Variants in GRIN3A observed in about 807,000 individuals in gnomAD.
GRIN3A encodes glutamate receptor ionotropic, NMDA 3A.
Under a neutral mutation model 92.4 loss-of-function variants are expected in GRIN3A, and 47 were observed. The ratio of observed to expected loss-of-function variants is 0.51; its 90% CI spans 0.40 to 0.65. The LOEUF is 0.65. GRIN3A is among the 30% of genes least tolerant of loss of function. GRIN3A has a pLI of 0.00. For synonymous variants in GRIN3A, 527 were observed against 540.6 expected (o/e 0.97, Z 0.35); for missense variants, 1,324 against 1,393.1 (o/e 0.95, Z 0.79).
chr9:101,587,235 G>A (rs1053462558), intron 6 of GRIN3A, among the ~76,000 whole-genome samples: 4 of 151,752 alleles, frequency 2.6e-5, no homozygotes, highest in Non-Finnish European at 2.9e-5. Flanking sequence ...GCTTGAATCC[G>A]GGAGGCAGAG....
intron 1 of GRIN3A, among the ~76,000 whole-genome samples, chr9:101,732,851 C>T (rs1012281884): frequency 6.6e-6 from 1 of 152,140 alleles, no homozygotes; most frequent in African/African-American, 2.4e-5. Context: ...TTCTTTTGAT[C>T]TACACTTCTG....
chr9:101,686,507 C>A, intron 2 of GRIN3A, 89 bp downstream of exon 2: 1 of 1,436,652 alleles, frequency 7.0e-7, no homozygotes. Flanking sequence ...TACTCAGAGT[C>A]AAGATTTCTG....
At chr9:101,593,640 C>T (rs1056267625) in intron 6 of GRIN3A, 8 of 152,284 alleles carry the variant, frequency 5.3e-5, no homozygotes, top group Non-Finnish European at 8.8e-5. Flanking sequence ...AGCTGGAGGT[C>T]CCCTTCATTG....
rs762717849 is a variant in GRIN3A, at chr9:101,573,371, T to G, written c.3151A>C (p.Arg1051=). The G allele has an allele frequency of 1.9e-6, 3 of 1,614,014 alleles. No homozygotes were observed. The change falls in exon 9 of 9, where the codon AGG becomes CGG. Residue 1051 remains arginine, a synonymous_variant. Transcript: ENST00000361820. ...RIHQDIPLPP[R]RRELPALRTT... ...CGCAAGGCAGGGAGCTCTCTTCTCC[T>G]TGGAGGGAGGGGGATGTCCTGGTGG...
At position 101,675,078 on chromosome 9, in the gene GRIN3A, T is replaced by C. The variant is rs370894540; in HGVS notation, c.1305-3971A>G. On this transcript the variant is annotated intron_variant, in intron 2 of 8. Transcript: ENST00000361820. The stretch of plus-strand genomic sequence containing the variant: ...ATGGTGACTAAGAGACCACTTACAA[T>C]ATCTTTGTCATGGTTTGATAAGGGC... Among the ~76,000 whole-genome samples the C allele has an allele frequency of 3.9e-5, 6 of 152,116 alleles. No homozygotes were observed. The East Asian group carries it at 1.2e-3, about 29-fold the overall frequency.
chr9:101,629,558 C>T (rs1321840579), intron 3 of GRIN3A, among the ~76,000 whole-genome samples: 1 of 152,106 alleles, frequency 6.6e-6, no homozygotes, highest in East Asian at 1.9e-4. Flanking sequence ...TTTGGTATTC[C>T]ACTGTTAAGT....
Position 101,572,725 on chromosome 9 carries a change from C to A in GRIN3A, c.*449G>T, listed in dbSNP as rs190566418. 238 of 194,266 alleles carry A rather than the reference C, an allele frequency of 1.2e-3. 2 individuals are homozygous for A. The highest frequency in any genetic ancestry group is 5.7e-4 in the Non-Finnish European group (53 of 92,176). 12.0% of individuals were successfully genotyped at this position (194,266 alleles called of 1,614,324 possible). A position where few individuals can be genotyped will look rare whatever the true frequency, so the allele number is the denominator to read the frequency against. ...TCAGAATGTAGGAATAAATCTAGAT[C>A]GGGGAGTTGTATCAAAAGCTACAAC... is the stretch of plus-strand genomic sequence containing the variant. On this transcript the variant is annotated 3_prime_UTR_variant, in exon 9 of 9. Coordinates refer to ENST00000361820, the MANE Select transcript of GRIN3A (RefSeq NM_133445.3).
At chr9:101,638,167 T>C (rs4743478) in intron 3 of GRIN3A, among the ~76,000 whole-genome samples, 19,859 of 152,290 alleles carry the variant, frequency 0.13, 1,345 homozygotes, top group East Asian at 0.23. Flanking sequence ...GGTATTTTTC[T>C]GTCTCATTTA....
chr9:101,573,089 G>T lies in GRIN3A; in HGVS notation c.*85C>A. On this transcript the variant is annotated 3_prime_UTR_variant, in exon 9 of 9. Coordinates refer to ENST00000361820, the MANE Select transcript of GRIN3A (RefSeq NM_133445.3). ...TAGACCTCAGCTTCCCCACACCTTT[G>T]TCGATAGTTACAAAAGAGCATTACA... The T allele has an allele frequency of 8.3e-7, 1 of 1,200,002 alleles. No individual in the cohort carries two copies. The highest frequency in any genetic ancestry group is 1.2e-6 in the Non-Finnish European group (1 of 805,272). 74.3% of individuals were successfully genotyped at this position (1,200,002 alleles called of 1,614,324 possible).
At chr9:101,598,503 T>G (rs1452384421) in intron 6 of GRIN3A, among the ~76,000 whole-genome samples, 1 of 152,226 alleles carries the variant, frequency 6.6e-6, no homozygotes, top group Non-Finnish European at 1.5e-5. Flanking sequence ...AACAGTCCAC[T>G]TAGTAGCAGT....
chr9:101,725,743 T>C (rs188180987), intron 1 of GRIN3A, among the ~76,000 whole-genome samples: 7 of 152,326 alleles, frequency 4.6e-5, no homozygotes, highest in Non-Finnish European at 7.3e-5. Context: ...AGTCCCCTTA[T>C]TCAACAATTA....
chr9:101,707,389 T>C (rs552923114), intron 1 of GRIN3A, among the ~76,000 whole-genome samples: 162 of 152,332 alleles, frequency 1.1e-3, no homozygotes, highest in African/African-American at 3.8e-3. Context: ...AAGCATCCAT[T>C]TGACTGCTCT....
Position 101,571,819 on chromosome 9 carries a change from C to G in GRIN3A, c.*1355G>C, listed in dbSNP as rs1303928216. The stretch of plus-strand genomic sequence containing the variant: ...CTGAGCTCACCTCTAGACCTCCACC[C>G]CCAACCCCATAATCTCTGGAGAAGG... On this transcript the variant is annotated 3_prime_UTR_variant, in exon 9 of 9. Transcript: ENST00000361820. 3.3e-5 allele frequency: 5 copies of G among 152,182 alleles called. No individual in the cohort carries two copies. The highest frequency in any genetic ancestry group is 5.9e-5 in the Non-Finnish European group (4 of 68,088). 9.4% of individuals were successfully genotyped at this position (152,182 alleles called of 1,614,324 possible). A position where few individuals can be genotyped will look rare whatever the true frequency, so the allele number is the denominator to read the frequency against.
intron 6 of GRIN3A, among the ~76,000 whole-genome samples, chr9:101,581,266 C>T (rs977440307): frequency 2.0e-5 from 3 of 152,056 alleles, no homozygotes; most frequent in Non-Finnish European, 4.4e-5. Context: ...AACATACTAA[C>T]CTGAGGGTAG....
chr9:101,588,062 GAA>G (rs1228064306), intron 6 of GRIN3A, among the ~76,000 whole-genome samples: 2 of 152,324 alleles, frequency 1.3e-5, no homozygotes, highest in Admixed American at 6.5e-5. Flanking sequence ...ATATCCACAT[GAA>G]ATGTGGGCTC....
intron 3 of GRIN3A, among the ~76,000 whole-genome samples, chr9:101,655,279 A>G (rs532680254): frequency 3.6e-4 from 54 of 152,054 alleles, no homozygotes; most frequent in African/African-American, 1.2e-3. Context: ...GACCTAAAGC[A>G]AAATATATTC....
intron 2 of GRIN3A, among the ~76,000 whole-genome samples, chr9:101,682,874 CG>C (rs1829477134): frequency 6.6e-6 from 1 of 152,020 alleles, no homozygotes. Flanking sequence ...CCCAGCTACT[CG>C]GGAGGCTGAG....
intron 3 of GRIN3A, among the ~76,000 whole-genome samples, chr9:101,636,552 T>C (rs1360152236): frequency 2.0e-5 from 3 of 152,316 alleles, no homozygotes; most frequent in East Asian, 3.9e-4. Flanking sequence ...ACCTGAGAAC[T>C]TGCACTATTA....
Position 101,573,190 on chromosome 9 carries a change from C to T in GRIN3A, c.3332G>A (p.Arg1111Gln), listed in dbSNP as rs76232475. The change falls in exon 9 of 9, where the codon CGG (arginine) becomes CAG (glutamine). Residue 1111 changes from arginine to glutamine, a missense_variant. Transcript: ENST00000361820. The stretch of plus-strand genomic sequence containing the variant: ...TGTGGTCACCTAGGACTCACAAGTC[C>T]GACTTGTCCTTTGATACTCCTCCAG... ...TELEEYQRTS[R>Q]TCES 3.0e-3 allele frequency: 4,808 copies of T among 1,613,886 alleles called. 13 individuals carry two copies. The highest frequency in any genetic ancestry group is 3.7e-3 in the Non-Finnish European group (4,373 of 1,179,824).
Sources: gnomAD v4.1 joint callset for allele counts (sites outside exome capture counted in the v4.1 genomes callset) on GRCh38, gnomAD v4.1.1 for gene constraint, MANE v1.5 for transcripts, NCBI Gene and HGNC (gene_info 2026-07-23, HGNC 2026-07-21) for gene names.